The following PTPN4 variants were observed in gnomAD, a reference collection of about 807,000 sequenced individuals.
PTPN4 encodes protein tyrosine phosphatase non-receptor type 4.
A neutral mutation model predicts 135.5 loss-of-function variants in PTPN4; 49 were observed. That is an observed-to-expected ratio of 0.36 (90% CI 0.29 to 0.46). PTPN4 has a LOEUF of 0.46. Ranked by LOEUF, PTPN4 falls within the 20% of genes least tolerant of loss-of-function variation. The pLI is 1.00. For synonymous variants in PTPN4, 333 were observed against 369.9 expected (o/e 0.90, Z 1.14); for missense variants, 860 against 1,101.0 (o/e 0.78, Z 3.10).
At chr2:119,830,625 C>A (rs1284558500) in intron 2 of PTPN4, among the ~76,000 whole-genome samples, 3 of 152,206 alleles carry the variant, frequency 2.0e-5, no homozygotes, top group Non-Finnish European at 4.4e-5. Context: ...CCCGTCACCA[C>A]GCCCCGCTAA....
At chr2:119,938,273 G>T (rs572142645) in intron 15 of PTPN4, among the ~76,000 whole-genome samples, 1 of 151,682 alleles carries the variant, frequency 6.6e-6, no homozygotes, top group African/African-American at 2.4e-5. Flanking sequence ...GACTACAGGC[G>T]CCCGTCACCA....
chr2:119,844,663 G>C (rs1399659864), intron 2 of PTPN4, among the ~76,000 whole-genome samples: 4 of 151,504 alleles, frequency 2.6e-5, no homozygotes, highest in African/African-American at 9.7e-5. Flanking sequence ...TGGGCGGCCG[G>C]GCAGAGATGC....
intron 2 of PTPN4, among the ~76,000 whole-genome samples, chr2:119,853,752 C>CCCA: frequency 6.6e-6 from 1 of 152,126 alleles, no homozygotes; most frequent in East Asian, 1.9e-4. Flanking sequence ...TTCCATTTCT[C>CCCA]CCATTTCATT....
intron 13 of PTPN4, among the ~76,000 whole-genome samples, chr2:119,932,061 G>C (rs751742319): frequency 6.6e-6 from 1 of 152,310 alleles, no homozygotes; most frequent in East Asian, 1.9e-4. Flanking sequence ...TAGTGTTCCA[G>C]ATACTCTGGA....
intron 10 of PTPN4, among the ~76,000 whole-genome samples, chr2:119,912,057 A>G (rs1678578749): frequency 2.0e-5 from 3 of 152,250 alleles, no homozygotes; most frequent in Admixed American, 2.0e-4. Context: ...GGCTATTTCC[A>G]TCCATGTTGT....
At chr2:119,776,039 A>G (rs1690830617) in intron 1 of PTPN4, among the ~76,000 whole-genome samples, 2 of 152,200 alleles carry the variant, frequency 1.3e-5, no homozygotes, top group South Asian at 2.1e-4. Context: ...AATTAACTAT[A>G]GACAGTCTGG....
intron 19 of PTPN4, among the ~76,000 whole-genome samples, chr2:119,954,448 G>A (rs907801854): frequency 3.9e-5 from 6 of 152,056 alleles, no homozygotes; most frequent in Non-Finnish European, 7.4e-5. Context: ...CCACACATCC[G>A]TTCTCTCAAG....
chr2:119,773,337 AT>A (rs1176021386), intron 1 of PTPN4, among the ~76,000 whole-genome samples: 3 of 151,948 alleles, frequency 2.0e-5, no homozygotes, highest in Non-Finnish European at 2.9e-5. Flanking sequence ...TTATACGTGG[AT>A]TTTTTTTCAA....
chr2:119,916,991 T>G (rs1678663030), intron 11 of PTPN4, among the ~76,000 whole-genome samples: 1 of 152,166 alleles, frequency 6.6e-6, no homozygotes, highest in Non-Finnish European at 1.5e-5. Context: ...GTTTTAAAAT[T>G]TAGGTGATTA....
chr2:119,900,705 A>AT lies in PTPN4; in HGVS notation c.676-5dup, dbSNP rs747156252. On this transcript the variant is annotated splice_polypyrimidine_tract_variant and intron_variant, in intron 9 of 26. Coordinates refer to ENST00000263708, the MANE Select transcript of PTPN4 (RefSeq NM_002830.4). ...ATTTAGATTTATCATGTTTTTATTC[A>AT]TTTTTTTTGAAGGATCAGAGTAACA... 2.3e-4 allele frequency: 342 copies of AT among 1,472,172 alleles called. No individual in the cohort carries two copies. Among genetic ancestry groups the AT allele is most frequent in the Admixed American group, 3.3e-4 (15 of 45,984 alleles). 91.2% of individuals were successfully genotyped at this position (1,472,172 alleles called of 1,614,324 possible). A position where few individuals can be genotyped will look rare whatever the true frequency, so the allele number is the denominator to read the frequency against.
chr2:119,886,603 G>A (rs895339108), intron 9 of PTPN4, among the ~76,000 whole-genome samples: 2 of 152,096 alleles, frequency 1.3e-5, no homozygotes, highest in Non-Finnish European at 2.9e-5. Flanking sequence ...TGGTGATAGC[G>A]TTTATCTTCT....
intron 5 of PTPN4, among the ~76,000 whole-genome samples, chr2:119,877,938 T>C (rs532458988): frequency 1.3e-5 from 2 of 152,260 alleles, no homozygotes; most frequent in East Asian, 3.9e-4. Context: ...TCTTTTTTTA[T>C]TGGGGAGAAC....
intron 1 of PTPN4, among the ~76,000 whole-genome samples, chr2:119,785,938 G>A (rs1400093656): frequency 1.3e-5 from 2 of 152,106 alleles, no homozygotes; most frequent in African/African-American, 2.4e-5. Flanking sequence ...TCATCTTCAC[G>A]GTATTTAATC....
intron 1 of PTPN4, among the ~76,000 whole-genome samples, chr2:119,807,630 G>A (rs878936859): frequency 3.3e-5 from 5 of 152,148 alleles, no homozygotes; most frequent in Admixed American, 6.5e-5. Flanking sequence ...ATTCATAGCC[G>A]AATTCTACAA....
intron 1 of PTPN4, among the ~76,000 whole-genome samples, chr2:119,799,469 G>T (rs1248554550): frequency 6.6e-6 from 1 of 152,132 alleles, no homozygotes; most frequent in Non-Finnish European, 1.5e-5. Context: ...TCGTTTTAAA[G>T]TTGGCCATTT....
chr2:119,860,071 C>T (rs1677739060), intron 2 of PTPN4, among the ~76,000 whole-genome samples: 1 of 152,136 alleles, frequency 6.6e-6, no homozygotes, highest in Non-Finnish European at 1.5e-5. Flanking sequence ...AGAAATAAAT[C>T]CATACATTTA....
At chr2:119,851,689 C>A (rs559780878) in intron 2 of PTPN4, among the ~76,000 whole-genome samples, 1 of 152,342 alleles carries the variant, frequency 6.6e-6, no homozygotes, top group East Asian at 1.9e-4. Flanking sequence ...TTCCCTCACC[C>A]AACACCTGAG....
At chr2:119,772,365 T>C (rs2104921484) in intron 1 of PTPN4, among the ~76,000 whole-genome samples, 1 of 152,316 alleles carries the variant, frequency 6.6e-6, no homozygotes. Flanking sequence ...ATGAAAAGAA[T>C]TTCGTAACCA....
At chr2:119,794,619 C>T (rs1401201824) in intron 1 of PTPN4, among the ~76,000 whole-genome samples, 1 of 152,188 alleles carries the variant, frequency 6.6e-6, no homozygotes, top group African/African-American at 2.4e-5. Flanking sequence ...ATCACGGAGC[C>T]TTGAAGAGGG....
Sources: gnomAD v4.1 joint callset for allele counts (sites outside exome capture counted in the v4.1 genomes callset) on GRCh38, gnomAD v4.1.1 for gene constraint, MANE v1.5 for transcripts, NCBI Gene and HGNC (gene_info 2026-07-23, HGNC 2026-07-21) for gene names.